Variants in RASGRP1 observed in about 807,000 individuals in gnomAD.
The protein encoded by RASGRP1 is RAS guanyl-releasing protein 1.
RASGRP1 carries 37 observed loss-of-function variants against 95.1 expected under a neutral mutation model. The observed-to-expected ratio is 0.39, with a 90% confidence interval of 0.30 to 0.51. The LOEUF is 0.51. Among genes scored for constraint, RASGRP1 ranks in the 20% least tolerant of loss-of-function variants. The probability of loss-of-function intolerance (pLI) is 0.80; values close to 1 mark genes in which losing one functional copy is unlikely to be tolerated. For missense variants in RASGRP1, 711 were observed against 965.4 expected (o/e 0.74, Z 3.49); for synonymous variants, 325 against 353.4 (o/e 0.92, Z 0.90).
intron 3 of RASGRP1, among the ~76,000 whole-genome samples, chr15:38,524,970 CT>C (rs5812043): frequency 0.54 from 76,026 of 140,790 alleles, 20,095 homozygotes; most frequent in Non-Finnish European, 0.56. Context: ...AATTTTCTTT[CT>C]TTTTTTTTTT....
At chr15:38,496,974 T>C (rs1349300897) in intron 15 of RASGRP1, among the ~76,000 whole-genome samples, 1 of 152,210 alleles carries the variant, frequency 6.6e-6, no homozygotes, top group Non-Finnish European at 1.5e-5. Context: ...AGGGAGCTTA[T>C]TTCAAAAGAG....
chr15:38,536,781 T>C (rs1409181740), intron 2 of RASGRP1, among the ~76,000 whole-genome samples: 1 of 152,250 alleles, frequency 6.6e-6, no homozygotes, highest in Non-Finnish European at 1.5e-5. Flanking sequence ...TGTTCTTTAA[T>C]TGCTTATAAT....
intron 15 of RASGRP1, among the ~76,000 whole-genome samples, chr15:38,495,274 G>A (rs1890755060): frequency 6.6e-6 from 1 of 152,134 alleles, no homozygotes; most frequent in South Asian, 2.1e-4. Flanking sequence ...TTGTGGAAAT[G>A]TACCTTAAAA....
chr15:38,530,768 C>A (rs947967865), intron 2 of RASGRP1, among the ~76,000 whole-genome samples: 2 of 152,174 alleles, frequency 1.3e-5, no homozygotes, highest in Non-Finnish European at 2.9e-5. Context: ...TGGGTGAGAT[C>A]AAAACTAAGT....
At position 38,540,993 on chromosome 15, in the gene RASGRP1, C is replaced by T. The variant is rs147776970; in HGVS notation, c.221-14589G>A. On this transcript the variant is annotated intron_variant, in intron 2 of 16. Coordinates refer to ENST00000310803, the MANE Select transcript of RASGRP1 (RefSeq NM_005739.4). Reference sequence around the variant, plus strand: ...AGTGTCCTGCTCAATTACTCAACAACTCCTTGGTTTGCTCCTGGGAGACTG... The same window carrying T: ...AGTGTCCTGCTCAATTACTCAACAATTCCTTGGTTTGCTCCTGGGAGACTG... 1.5e-3 allele frequency among the ~76,000 whole-genome samples: 221 copies of T among 152,320 alleles called. 1 individual carries two copies. The highest frequency in any genetic ancestry group is 4.8e-3 in the African/African-American group (200 of 41,578).
intron 6 of RASGRP1, among the ~76,000 whole-genome samples, chr15:38,514,286 G>A (rs918219189): frequency 5.9e-5 from 9 of 152,008 alleles, no homozygotes; most frequent in Non-Finnish European, 4.4e-5. Flanking sequence ...GACCAAAATC[G>A]CTCCTTAAGA....
At chr15:38,504,363 A>C (rs1345623898) in intron 10 of RASGRP1, 1 of 152,316 alleles carries the variant, frequency 6.6e-6, no homozygotes, top group African/African-American at 2.4e-5. Flanking sequence ...TAAAGCACAC[A>C]TTGTATAGCT....
At chr15:38,517,366 G>GA (rs1413832204) in intron 5 of RASGRP1, among the ~76,000 whole-genome samples, 1 of 152,168 alleles carries the variant, frequency 6.6e-6, no homozygotes, top group African/African-American at 2.4e-5. Flanking sequence ...TTAAAATGAA[G>GA]AAACTATTAC....
intron 10 of RASGRP1, chr15:38,503,693 G>A (rs937493748): frequency 6.5e-6 from 2 of 306,250 alleles, no homozygotes; most frequent in Non-Finnish European, 6.0e-6. Flanking sequence ...AGAGTAAAGT[G>A]GATCATTTAT....
chr15:38,494,854 T>G (rs1362869021), intron 15 of RASGRP1, 87 bp from the exon 16 acceptor site: 27 of 1,155,518 alleles, frequency 2.3e-5, no homozygotes, highest in Non-Finnish European at 2.9e-5. Context: ...GAGACCTTTC[T>G]TATTGTTACT....
intron 2 of RASGRP1, among the ~76,000 whole-genome samples, chr15:38,550,982 T>C (rs1045212788): frequency 1.3e-5 from 2 of 152,208 alleles, no homozygotes; most frequent in African/African-American, 4.8e-5. Context: ...ACTTATAAAA[T>C]AGTGGGAACT....
Position 38,506,017 on chromosome 15 carries a change from C to T in RASGRP1, c.1243-97G>A, listed in dbSNP as rs527456230. 8.8e-5 allele frequency: 84 copies of T among 952,410 alleles called. 2 individuals carry two copies. In the South Asian group the frequency reaches 1.1e-3, roughly 13 times the overall value. The allele number at this position is 952,410 out of a possible 1,614,324, so 59.0% of individuals were successfully genotyped here. A position where few individuals can be genotyped will look rare whatever the true frequency, so the allele number is the denominator to read the frequency against. On this transcript the variant is annotated intron_variant, in intron 9 of 16. Transcript: ENST00000310803. The stretch of plus-strand genomic sequence containing the variant: ...TTGGATTTTCCTTGCCAGTAGTTTA[C>T]TCTTTTAGGTTCTAAACAGTTTGTT...
chr15:38,502,667 C>T (rs567704080), intron 11 of RASGRP1, among the ~76,000 whole-genome samples: 117 of 152,266 alleles, frequency 7.7e-4, no homozygotes, highest in African/African-American at 2.8e-3. Context: ...TATACTATCA[C>T]GCTGGCTACT....
At chr15:38,545,431 T>G (rs1893069234) in intron 2 of RASGRP1, among the ~76,000 whole-genome samples, 1 of 152,156 alleles carries the variant, frequency 6.6e-6, no homozygotes, top group South Asian at 2.1e-4. Flanking sequence ...CATGTGGTTT[T>G]AGAGAGAAAT....
intron 2 of RASGRP1, among the ~76,000 whole-genome samples, chr15:38,530,879 G>T (rs1440336282): frequency 6.6e-6 from 1 of 152,212 alleles, no homozygotes; most frequent in African/African-American, 2.4e-5. Flanking sequence ...CTTTGTGGGA[G>T]TTGGTTTAGA....
intron 3 of RASGRP1, among the ~76,000 whole-genome samples, chr15:38,526,042 A>G (rs1195787725): frequency 1.3e-5 from 2 of 152,218 alleles, no homozygotes; most frequent in East Asian, 3.9e-4. Context: ...TACTATTAAG[A>G]GCCTGAAGAT....
chr15:38,518,206 T>TG, intron 5 of RASGRP1, 86 bp downstream of exon 5: 1 of 1,337,160 alleles, frequency 7.5e-7, no homozygotes, highest in Non-Finnish European at 1.0e-6. Flanking sequence ...CAGTCACCGC[T>TG]GGGGGTCAGA....
At chr15:38,540,282 A>G (rs898772576) in intron 2 of RASGRP1, among the ~76,000 whole-genome samples, 2 of 152,000 alleles carry the variant, frequency 1.3e-5, no homozygotes, top group African/African-American at 4.8e-5. Flanking sequence ...GGTTGTGTCT[A>G]TTTTCTGTCT....
At chr15:38,527,203 A>T (rs375158294) in intron 2 of RASGRP1, among the ~76,000 whole-genome samples, 1 of 152,198 alleles carries the variant, frequency 6.6e-6, no homozygotes, top group Non-Finnish European at 1.5e-5. Context: ...TGCCAGATCT[A>T]TTCTTTCACC....
Sources: allele counts gnomAD v4.1 joint callset (sites outside exome capture counted in the v4.1 genomes callset), GRCh38; gene constraint gnomAD v4.1.1; transcripts MANE v1.5; gene names NCBI Gene and HGNC (gene_info 2026-07-23, HGNC 2026-07-21).